The following UBE2L3 variants were observed in gnomAD, a reference collection of about 807,000 sequenced individuals.
The protein encoded by UBE2L3 is ubiquitin-conjugating enzyme E2 L3.
A neutral mutation model predicts 17.8 loss-of-function variants in UBE2L3; 1 was observed. That is an observed-to-expected ratio of 0.06 (90% confidence interval 0.02 to 0.27). UBE2L3 has a LOEUF of 0.27. UBE2L3 is among the 10% of genes least tolerant of loss of function. The probability of loss-of-function intolerance (pLI) is 1.00; values close to 1 mark genes in which losing one functional copy is unlikely to be tolerated. For missense variants in UBE2L3, 40 were observed against 192.6 expected, an observed-to-expected ratio of 0.21 and a Z score of 4.69; for synonymous variants, 44 against 68.5, an observed-to-expected ratio of 0.64 and a Z score of 1.76.
At chr22:21,587,392 T>TCGAC (rs1404960005) in intron 1 of UBE2L3, among the ~76,000 whole-genome samples, 1 of 152,050 alleles carries the variant, frequency 6.6e-6, no homozygotes, top group Admixed American at 6.6e-5. Context: ...GGTTTCACCA[T>TCGAC]GTGGTCTCGA....
At chr22:21,574,377 A>G (rs188599032) in intron 1 of UBE2L3, among the ~76,000 whole-genome samples, 5 of 152,318 alleles carry the variant, frequency 3.3e-5, no homozygotes, top group African/African-American at 2.4e-5. Context: ...ATGAGTTAAT[A>G]TATACCAACT....
intron 2 of UBE2L3, among the ~76,000 whole-genome samples, chr22:21,595,723 A>G (rs771159330): frequency 2.6e-5 from 4 of 152,150 alleles, no homozygotes; most frequent in Non-Finnish European, 5.9e-5. Context: ...ATTACCCATA[A>G]TCACATCATC....
intron 2 of UBE2L3, among the ~76,000 whole-genome samples, chr22:21,605,588 C>T (rs1323133319): frequency 1.3e-5 from 2 of 152,196 alleles, no homozygotes. Flanking sequence ...TCACCACAAC[C>T]TCTGTCTCCC....
intron 3 of UBE2L3, 33 bp downstream of exon 3, chr22:21,611,076 G>C (rs1929446333): frequency 6.5e-7 from 1 of 1,542,264 alleles, no homozygotes; most frequent in African/African-American, 1.4e-5. Context: ...CCTCGGAGGG[G>C]GTCTTTGGGG....
intron 1 of UBE2L3, among the ~76,000 whole-genome samples, chr22:21,584,122 G>A (rs1347396918): frequency 1.3e-5 from 2 of 151,958 alleles, no homozygotes; most frequent in East Asian, 1.9e-4. Context: ...TGATCCGCCC[G>A]CCTTGGCCTC....
chr22:21,582,232 G>A (rs1293627974), intron 1 of UBE2L3, among the ~76,000 whole-genome samples: 2 of 151,992 alleles, frequency 1.3e-5, no homozygotes, highest in African/African-American at 4.8e-5. Flanking sequence ...TTAGCTCAGT[G>A]GGAGGTTTTA....
At chr22:21,574,441 G>C (rs1927151816) in intron 1 of UBE2L3, among the ~76,000 whole-genome samples, 2 of 152,136 alleles carry the variant, frequency 1.3e-5, no homozygotes, top group African/African-American at 4.8e-5. Context: ...AGATATTATT[G>C]GGAATAACCA....
upstream of UBE2L3, among the ~76,000 whole-genome samples, chr22:21,566,313 G>A (rs1177462369): frequency 6.6e-6 from 1 of 152,058 alleles, no homozygotes; most frequent in South Asian, 2.1e-4. Context: ...CCCAGGTGTG[G>A]TGGCTCATGC....
At chr22:21,556,614 C>CTTTTTTTTTTTTT (rs747912504) in intron 1 of UBE2L3, among the ~76,000 whole-genome samples, 2 of 144,448 alleles carry the variant, frequency 1.4e-5, no homozygotes, top group Admixed American at 6.8e-5. Flanking sequence ...TTTCTTTTTT[C>CTTTTTTTTTTTTT]TTTTTTTTTT....
intron 1 of UBE2L3, among the ~76,000 whole-genome samples, chr22:21,562,646 C>T (rs1601385311): frequency 6.7e-6 from 1 of 149,234 alleles, no homozygotes; most frequent in Non-Finnish European, 1.5e-5. Flanking sequence ...GCTAGGATTA[C>T]AGGCGTGAGC....
intron 2 of UBE2L3, among the ~76,000 whole-genome samples, chr22:21,608,977 C>T (rs911455759): frequency 1.3e-5 from 2 of 152,008 alleles, no homozygotes; most frequent in East Asian, 3.9e-4. Context: ...TCACTGCAAG[C>T]TCCGCTTCCC....
chr22:21,617,316 G>T (rs1929830447), intron 3 of UBE2L3, among the ~76,000 whole-genome samples: 1 of 152,024 alleles, frequency 6.6e-6, no homozygotes, highest in South Asian at 2.1e-4. Flanking sequence ...ACCCAGGCTG[G>T]AGTGCAGTGG....
intron 1 of UBE2L3, among the ~76,000 whole-genome samples, chr22:21,584,263 C>T (rs1927813515): frequency 6.8e-6 from 1 of 146,836 alleles, no homozygotes; most frequent in East Asian, 2.1e-4. Flanking sequence ...CTGCAACCTC[C>T]ACCTCCCGGG....
intron 2 of UBE2L3, among the ~76,000 whole-genome samples, chr22:21,601,036 C>T (rs367726612): frequency 6.6e-6 from 1 of 150,782 alleles, no homozygotes; most frequent in Non-Finnish European, 1.5e-5. Flanking sequence ...CTGGGTGTGG[C>T]GGCAGGTGCC....
intron 1 of UBE2L3, among the ~76,000 whole-genome samples, chr22:21,581,863 C>G (rs66534072): frequency 0.31 from 46,745 of 150,852 alleles, 8,351 homozygotes; most frequent in East Asian, 0.51. Flanking sequence ...TATAATCCCA[C>G]CACTTTGGGA....
At chr22:21,569,865 G>C (rs1926861456) in intron 1 of UBE2L3, among the ~76,000 whole-genome samples, 1 of 152,240 alleles carries the variant, frequency 6.6e-6, no homozygotes, top group Non-Finnish European at 1.5e-5. Context: ...GCTAGGGAGA[G>C]TGAGTTGTGA....
intron 1 of UBE2L3, 47 bp downstream of exon 1, chr22:21,567,818 G>A: frequency 1.3e-6 from 2 of 1,564,896 alleles, no homozygotes; most frequent in South Asian, 1.2e-5. Context: ...CGGCGTCCTA[G>A]GCTCCGGATC....
At chr22:21,599,657 TA>T (rs1244442436) in intron 2 of UBE2L3, among the ~76,000 whole-genome samples, 2 of 152,180 alleles carry the variant, frequency 1.3e-5, no homozygotes, top group African/African-American at 4.8e-5. Context: ...TGTGAGGACA[TA>T]TGTGTAGTTT....
chr22:21,614,891 C>A (rs576883165), intron 3 of UBE2L3, among the ~76,000 whole-genome samples: 1 of 148,872 alleles, frequency 6.7e-6, no homozygotes, highest in African/African-American at 2.5e-5. Flanking sequence ...TGGTGGCTCA[C>A]GCCTGTAATC....
Sources: gnomAD v4.1 joint callset for allele counts (sites outside exome capture counted in the v4.1 genomes callset) on GRCh38, gnomAD v4.1.1 for gene constraint, MANE v1.5 for transcripts, NCBI Gene and HGNC (gene_info 2026-07-23, HGNC 2026-07-21) for gene names.